Variants in RELN observed in about 807,000 individuals in gnomAD.
RELN encodes the protein reelin.
Under a neutral mutation model 427.6 loss-of-function variants are expected in RELN, and 108 were observed. The ratio of observed to expected loss-of-function variants is 0.25; its 90% confidence interval spans 0.22 to 0.30. The LOEUF is 0.30. Among genes scored for constraint, RELN ranks in the 10% least tolerant of loss-of-function variants. The pLI is 1.00. For synonymous variants in RELN, 1,524 were observed against 1,513.4 expected (o/e 1.01, Z -0.16); for missense variants, 3,715 against 4,302.8 (o/e 0.86, Z 3.82).
At chr7:103,805,933 AT>A (rs112996969) in intron 3 of RELN, among the ~76,000 whole-genome samples, 6 of 151,724 alleles carry the variant, frequency 4.0e-5, no homozygotes, top group African/African-American at 4.8e-5. Context: ...GGTCCATAGA[AT>A]TTTTTTTTCA....
At chr7:103,503,672 T>A (rs1829110839) in intron 51 of RELN, among the ~76,000 whole-genome samples, 1 of 152,112 alleles carries the variant, frequency 6.6e-6, no homozygotes, top group Non-Finnish European at 1.5e-5. Flanking sequence ...TAAGATGAAA[T>A]AATAACTGAA....
intron 8 of RELN, among the ~76,000 whole-genome samples, chr7:103,706,872 G>A (rs1767310463): frequency 6.6e-6 from 1 of 152,146 alleles, no homozygotes; most frequent in South Asian, 2.1e-4. Context: ...GAACCAAGAA[G>A]AAATATCATG....
At chr7:103,906,974 C>A (rs1414736369) in intron 2 of RELN, among the ~76,000 whole-genome samples, 5 of 152,058 alleles carry the variant, frequency 3.3e-5, no homozygotes, top group Non-Finnish European at 5.9e-5. Context: ...TTTACACAGC[C>A]CTAATTCCTT....
chr7:103,491,744 G>A (rs745981895), intron 58 of RELN, among the ~76,000 whole-genome samples: 34 of 151,852 alleles, frequency 2.2e-4, no homozygotes, highest in Non-Finnish European at 4.3e-4. Flanking sequence ...CAGGAGAACC[G>A]CTTGAACCTG....
chr7:103,650,209 A>C, intron 16 of RELN, 65 bp downstream of exon 16: 1 of 972,712 alleles, frequency 1.0e-6, no homozygotes, highest in Non-Finnish European at 1.7e-6. Context: ...GTCTGTGCTG[A>C]CGAACAAAAG....
Position 103,523,521 on chromosome 7 carries a change from T to C in RELN, c.7360A>G (p.Thr2454Ala), listed in dbSNP as rs1331528816. ...GCTGGTTGATGCCAACGGAAACGAG[T>C]GGCTTGGGACCTTTGAAGAAGATGA... ...PLPPYTRSQA[T>A]RFRWHQPAPF... The change falls in exon 47 of 65, where the codon ACT becomes GCT. Residue 2454 changes from threonine to alanine, a missense_variant. This residue lies in a region of RELN where 1,310 missense variants were observed against 1,643.0 expected (regional missense o/e 0.80). Coordinates refer to ENST00000428762, the MANE Select transcript of RELN (RefSeq NM_005045.4). The C allele has an allele frequency of 1.9e-6, 3 of 1,613,874 alleles. No individual in the cohort carries two copies. Among genetic ancestry groups the C allele is most frequent in the Non-Finnish European group, 2.5e-6 (3 of 1,180,008 alleles).
chr7:103,711,310 C>A (rs553901629), intron 8 of RELN, among the ~76,000 whole-genome samples: 3 of 152,076 alleles, frequency 2.0e-5, no homozygotes, highest in Non-Finnish European at 4.4e-5. Flanking sequence ...TAACCCTCAC[C>A]CAAGTGGTAT....
intron 45 of RELN, among the ~76,000 whole-genome samples, chr7:103,535,722 AAC>A (rs1454283613): frequency 1.2e-5 from 1 of 81,396 alleles, no homozygotes. Context: ...GATCAAGTGA[AAC>A]ATAAAGTAAA....
At chr7:103,644,085 A>G (rs1182330019) in intron 16 of RELN, among the ~76,000 whole-genome samples, 1 of 151,900 alleles carries the variant, frequency 6.6e-6, no homozygotes, top group Admixed American at 6.6e-5. Context: ...CACAGCATAC[A>G]TTATAGTCAC....
rs75021415 is a variant in RELN, at chr7:103,484,834, C to A, written c.9984-984G>T. On this transcript the variant is annotated intron_variant, in intron 61 of 64. Coordinates refer to ENST00000428762, the MANE Select transcript of RELN (RefSeq NM_005045.4). Reference sequence around the variant, plus strand: ...CATTCTTTTTACAAATAGCTCCAAGCTGAACACATCTGGATGGGGATAAAT... The same window carrying A: ...CATTCTTTTTACAAATAGCTCCAAGATGAACACATCTGGATGGGGATAAAT... Among the ~76,000 whole-genome samples, 96 of 152,250 alleles carry A rather than the reference C, an allele frequency of 6.3e-4. 1 individual carries two copies. In the East Asian group the frequency reaches 0.015, roughly 24 times the overall value.
In RELN at chr7:103,819,053, T is replaced by C. The variant is rs188288641; in HGVS notation, c.473+14484A>G. On this transcript the variant is annotated intron_variant, in intron 3 of 64. Transcript: ENST00000428762. ...ACTGTTATCTCTGGGATAGTGGAAATATGCATATGCGTGTGCACATGTGCA... is the reference window on the plus strand; with the variant it reads ...ACTGTTATCTCTGGGATAGTGGAAACATGCATATGCGTGTGCACATGTGCA... 2.9e-3 allele frequency among the ~76,000 whole-genome samples: 448 copies of C among 152,246 alleles called. 3 individuals carry two copies. The highest frequency in any genetic ancestry group is 0.01 in the African/African-American group (433 of 41,570).
chr7:103,744,491 A>G (rs1475344854), intron 6 of RELN, among the ~76,000 whole-genome samples: 2 of 152,148 alleles, frequency 1.3e-5, no homozygotes, highest in African/African-American at 4.8e-5. Flanking sequence ...TTTTCTGAAA[A>G]GATCAACAAA....
intron 4 of RELN, among the ~76,000 whole-genome samples, chr7:103,757,743 G>T (rs753592197): frequency 3.3e-5 from 5 of 152,080 alleles, no homozygotes; most frequent in Non-Finnish European, 7.4e-5. Flanking sequence ...GATGCACTAG[G>T]GATGGGAACC....
At chr7:103,864,389 AC>A (rs1794144296) in intron 2 of RELN, among the ~76,000 whole-genome samples, 1 of 152,172 alleles carries the variant, frequency 6.6e-6, no homozygotes, top group African/African-American at 2.4e-5. Context: ...TGTGCAGCAC[AC>A]CTCTAGAAGT....
At position 103,489,754 on chromosome 7, in the gene RELN, C is replaced by T. The variant is rs376520049; in HGVS notation, c.9751G>A (p.Glu3251Lys). The part of the protein sequence containing the change: ...CTTGAICICD[E>K]SFQGDDCSVF... ...CTGGGATTCAGACCTTGGAAGCTCTCGTCGCAGATGCAGATGGCACCGGTC... is the reference window on the plus strand; with the variant it reads ...CTGGGATTCAGACCTTGGAAGCTCTTGTCGCAGATGCAGATGGCACCGGTC... The change falls in exon 60 of 65, where the codon GAG (glutamate) becomes AAG (lysine). Residue 3251 changes from glutamate (E) to lysine (K), a missense_variant. Transcript: ENST00000428762. 61 of 1,613,942 alleles carry T rather than the reference C, an allele frequency of 3.8e-5. No individual in the cohort carries two copies. Among genetic ancestry groups the T allele is most frequent in the Middle Eastern group, 1.6e-4 (1 of 6,082 alleles).
chr7:103,957,883 T>G (rs1796467805), intron 1 of RELN, among the ~76,000 whole-genome samples: 2 of 152,208 alleles, frequency 1.3e-5, no homozygotes, highest in Non-Finnish European at 2.9e-5. Context: ...ACAAAAGCAT[T>G]AGTAATAGTC....
Position 103,604,359 on chromosome 7 carries a change from G to A in RELN, c.3133C>T (p.His1045Tyr), listed in dbSNP as rs1554389286. The part of the protein sequence containing the change: ...NMCSGHGSCD[H>Y]GICRCDQGYQ... ...TGGTGCACATACCTGCATATGCCAT[G>A]ATCGCATGAGCCATGCCCACTGCAC... The change falls in exon 23 of 65, where the codon CAT becomes TAT. Residue 1045 changes from histidine to tyrosine, a missense_variant. Physicochemically the swap from His to Tyr is moderately conservative, Grantham distance 83. Around this residue, in one of 4 missense-constraint regions of RELN, gnomAD observed 2,208 missense variants for 2,361.7 expected, o/e 0.93. Coordinates refer to ENST00000428762, the MANE Select transcript of RELN (RefSeq NM_005045.4). The A allele has an allele frequency of 6.2e-7, 1 of 1,613,768 alleles. No individual in the cohort carries two copies. Among genetic ancestry groups the A allele is most frequent in the Non-Finnish European group, 8.5e-7 (1 of 1,179,778 alleles).
At chr7:103,683,763 A>G (rs1190868003) in intron 10 of RELN, among the ~76,000 whole-genome samples, 1 of 152,160 alleles carries the variant, frequency 6.6e-6, no homozygotes, top group Non-Finnish European at 1.5e-5. Flanking sequence ...TAGAGTCTTA[A>G]TAGACTGACA....
At chr7:103,489,617 G>T in intron 60 of RELN, 125 bp downstream of exon 60, 10 of 1,089,528 alleles carry the variant, frequency 9.2e-6, no homozygotes, top group Non-Finnish European at 1.4e-5. Flanking sequence ...CAAGGAGTGT[G>T]TCATGAATCT....
Sources: gnomAD v4.1 joint callset for allele counts (sites outside exome capture counted in the v4.1 genomes callset) on GRCh38, gnomAD v4.1.1 for gene constraint, gnomAD v4.1.1 regional missense constraint, MANE v1.5 for transcripts, NCBI Gene and HGNC (gene_info 2026-07-23, HGNC 2026-07-21) for gene names.